Variants in CPNE4 observed in about 807,000 individuals in gnomAD.
CPNE4 encodes the protein copine-4.
CPNE4 carries 25 observed loss-of-function variants against 67.9 expected under a neutral mutation model. The ratio of observed to expected loss-of-function variants is 0.37; its 90% CI spans 0.27 to 0.51. The LOEUF is 0.51. CPNE4 is among the 20% of genes least tolerant of loss of function. The pLI, the probability that CPNE4 is intolerant of heterozygous loss-of-function variation, is 0.93. For missense variants in CPNE4, 464 were observed against 690.8 expected, an observed-to-expected ratio of 0.67 and a Z score of 3.68; for synonymous variants, 242 against 244.9, an observed-to-expected ratio of 0.99 and a Z score of 0.11.
chr3:131,615,745 AC>A (rs1940097636), intron 7 of CPNE4, among the ~76,000 whole-genome samples: 2 of 152,028 alleles, frequency 1.3e-5, no homozygotes, highest in South Asian at 4.1e-4. Flanking sequence ...AGGCTTTAGA[AC>A]ATCTGCATGC....
At chr3:131,617,081 G>C (rs1051152774) in intron 7 of CPNE4, among the ~76,000 whole-genome samples, 6 of 152,146 alleles carry the variant, frequency 3.9e-5, no homozygotes, top group Admixed American at 6.5e-5. Flanking sequence ...AAGGAAGCTG[G>C]TATTCTTTGA....
At chr3:131,703,230 C>T (rs1188879301) in intron 3 of CPNE4, among the ~76,000 whole-genome samples, 7 of 152,178 alleles carry the variant, frequency 4.6e-5, no homozygotes, top group Admixed American at 1.3e-4. Flanking sequence ...GGACTCTCAC[C>T]CTGGCTTCAG....
chr3:131,859,289 A>T (rs1316214253), intron 2 of CPNE4, among the ~76,000 whole-genome samples: 1 of 152,112 alleles, frequency 6.6e-6, no homozygotes, highest in Non-Finnish European at 1.5e-5. Context: ...AAGCTCCCCA[A>T]GATAGCCAGC....
intron 7 of CPNE4, among the ~76,000 whole-genome samples, chr3:131,612,908 T>C (rs1273131061): frequency 6.6e-6 from 1 of 152,212 alleles, no homozygotes. Flanking sequence ...ACTACCTGAA[T>C]GTCATTACCT....
In CPNE4 at chr3:131,815,790, C is replaced by T. The variant is rs148217172; in HGVS notation, c.180+89474G>A. Reference sequence around the variant, plus strand: ...GGAAAGGGGAACAAACAAGGGGTTGCGATCAGGAGGCAACCAGTGACCACA... The same window carrying T: ...GGAAAGGGGAACAAACAAGGGGTTGTGATCAGGAGGCAACCAGTGACCACA... On this transcript the variant is annotated intron_variant, in intron 2 of 15. Transcript: ENST00000429747. Among the ~76,000 whole-genome samples the T allele has an allele frequency of 2.9e-3, 448 of 152,274 alleles. 3 individuals carry two copies. The highest frequency in any genetic ancestry group is 0.01 in the African/African-American group (420 of 41,560).
intron 2 of CPNE4, among the ~76,000 whole-genome samples, chr3:131,726,813 T>C (rs972906406): frequency 1.3e-5 from 2 of 151,532 alleles, no homozygotes; most frequent in East Asian, 3.9e-4. Flanking sequence ...CCCAGAAATC[T>C]CTAAAAAAGT....
At chr3:131,623,054 T>C (rs1457294888) in intron 7 of CPNE4, among the ~76,000 whole-genome samples, 1 of 152,126 alleles carries the variant, frequency 6.6e-6, no homozygotes, top group African/African-American at 2.4e-5. Context: ...GGACGGTAAG[T>C]ACAAGGACAG....
intron 2 of CPNE4, among the ~76,000 whole-genome samples, chr3:131,782,734 C>T (rs746547502): frequency 6.6e-6 from 1 of 152,034 alleles, no homozygotes; most frequent in Non-Finnish European, 1.5e-5. Context: ...TGTAGAAAAT[C>T]GTATTTTCTG....
chr3:131,872,609 A>G (rs1307122821), intron 2 of CPNE4, among the ~76,000 whole-genome samples: 2 of 152,226 alleles, frequency 1.3e-5, no homozygotes, highest in Non-Finnish European at 2.9e-5. Context: ...TCTAGAAATA[A>G]TCAGTCACCC....
chr3:131,638,238 T>C (rs1409416293), intron 7 of CPNE4, among the ~76,000 whole-genome samples: 2 of 152,128 alleles, frequency 1.3e-5, no homozygotes, highest in Admixed American at 6.5e-5. Flanking sequence ...ACTTAAAAGA[T>C]ACAGAATGCC....
chr3:131,665,018 G>A (rs17293396), intron 7 of CPNE4, among the ~76,000 whole-genome samples: 54,609 of 151,956 alleles, frequency 0.36, 11,701 homozygotes, highest in Non-Finnish European at 0.49. Flanking sequence ...AGGCTCAGTA[G>A]ACATGGCTGA....
chr3:131,878,828 A>G (rs2107712219), intron 2 of CPNE4, among the ~76,000 whole-genome samples: 1 of 152,362 alleles, frequency 6.6e-6, no homozygotes, highest in South Asian at 2.1e-4. Flanking sequence ...TACAGCAAGA[A>G]GGAACCTCAT....
intron 2 of CPNE4, among the ~76,000 whole-genome samples, chr3:131,903,732 T>C (rs1427126119): frequency 2.0e-5 from 3 of 152,140 alleles, no homozygotes; most frequent in Non-Finnish European, 4.4e-5. Context: ...ACTAAACTGG[T>C]AATTTAGTGC....
intron 7 of CPNE4, among the ~76,000 whole-genome samples, chr3:131,640,899 A>G (rs1315273622): frequency 1.3e-5 from 2 of 152,204 alleles, no homozygotes; most frequent in Admixed American, 1.3e-4. Context: ...CAAAGCAAAC[A>G]AAAACATAAA....
At chr3:131,708,957 G>GATATAT (rs202119937) in intron 3 of CPNE4, among the ~76,000 whole-genome samples, 2,619 of 65,416 alleles carry the variant, frequency 0.04, 258 homozygotes, top group East Asian at 0.091. Flanking sequence ...AGGGCATAAA[G>GATATAT]ATATATATAT....
intron 2 of CPNE4, among the ~76,000 whole-genome samples, chr3:131,872,233 G>T (rs920608962): frequency 2.6e-5 from 4 of 152,064 alleles, no homozygotes; most frequent in African/African-American, 4.8e-5. Flanking sequence ...GAAGGAGAGA[G>T]AGAGAGATTT....
upstream of CPNE4, chr3:132,037,512 C>T: frequency 6.9e-7 from 1 of 1,454,040 alleles, no homozygotes; most frequent in Non-Finnish European, 9.3e-7. Flanking sequence ...GCCACAGTCC[C>T]CTCAACAATT....
intron 2 of CPNE4, among the ~76,000 whole-genome samples, chr3:131,733,188 A>C (rs112365441): frequency 9.2e-5 from 14 of 152,240 alleles, no homozygotes; most frequent in African/African-American, 3.4e-4. Flanking sequence ...ATGACATAGC[A>C]CCTCTCTTGA....
intron 2 of CPNE4, among the ~76,000 whole-genome samples, chr3:131,765,979 A>G (rs2083001366): frequency 6.6e-6 from 1 of 152,120 alleles, no homozygotes; most frequent in African/African-American, 2.4e-5. Flanking sequence ...GGCAGAATAT[A>G]AGAATTCTAC....
Sources: gnomAD v4.1 joint callset for allele counts (sites outside exome capture counted in the v4.1 genomes callset) on GRCh38, gnomAD v4.1.1 for gene constraint, MANE v1.5 for transcripts, NCBI Gene and HGNC (gene_info 2026-07-23, HGNC 2026-07-21) for gene names.